MAP2K5: variants seen among roughly 807,000 people sequenced by gnomAD.
MAP2K5 encodes mitogen-activated protein kinase kinase 5.
MAP2K5 carries 49 observed loss-of-function variants against 83.1 expected under a neutral mutation model. That is an observed-to-expected ratio of 0.59 (90% CI 0.47 to 0.75). The LOEUF (loss-of-function observed/expected upper bound fraction) is 0.75, where lower values mean the gene tolerates loss of function less well. Among genes scored for constraint, MAP2K5 ranks in the 30% least tolerant of loss-of-function variants. The probability of loss-of-function intolerance (pLI) is 0.00; values close to 1 mark genes in which losing one functional copy is unlikely to be tolerated. For missense variants in MAP2K5, 457 were observed against 557.5 expected (o/e 0.82, Z 1.82); for synonymous variants, 202 against 191.8 (o/e 1.05, Z -0.44).
intron 16 of MAP2K5, among the ~76,000 whole-genome samples, chr15:67,723,740 T>A (rs1020003506): frequency 6.6e-6 from 1 of 151,996 alleles, no homozygotes; most frequent in Non-Finnish European, 1.5e-5. Flanking sequence ...TCTACATTTT[T>A]CAGTACACTT....
chr15:67,776,880 T>C (rs931459911), intron 21 of MAP2K5, among the ~76,000 whole-genome samples: 1 of 152,122 alleles, frequency 6.6e-6, no homozygotes, highest in Admixed American at 6.6e-5. Context: ...CCCTCTCCAC[T>C]TCAGTGTCTT....
chr15:67,705,858 A>G lies in MAP2K5; in HGVS notation c.1044+2450A>G, dbSNP rs143725012. ...ATAACAAGCTCAAAGGCACCAAGAT[A>G]GAGTACACTCTCAGCGTATTTAAGG... On this transcript the variant is annotated intron_variant, in intron 16 of 21. Transcript: ENST00000178640. Among the ~76,000 whole-genome samples the G allele has an allele frequency of 3.9e-3, 591 of 152,356 alleles. 6 individuals carry two copies. Among genetic ancestry groups the G allele is most frequent in the African/African-American group, 0.013 (558 of 41,574 alleles).
intron 3 of MAP2K5, among the ~76,000 whole-genome samples, chr15:67,567,399 C>T (rs866911269): frequency 1.3e-5 from 2 of 150,462 alleles, no homozygotes; most frequent in South Asian, 2.1e-4. Flanking sequence ...GCTCTGTCGC[C>T]CAGGCCGGAC....
intron 11 of MAP2K5, among the ~76,000 whole-genome samples, chr15:67,648,184 T>TA (rs1027045113): frequency 1.3e-5 from 2 of 152,206 alleles, no homozygotes; most frequent in Non-Finnish European, 2.9e-5. Context: ...AAACACTTTT[T>TA]ACCACCCCCA....
At chr15:67,723,960 A>G (rs1283469040) in intron 16 of MAP2K5, among the ~76,000 whole-genome samples, 1 of 152,236 alleles carries the variant, frequency 6.6e-6, no homozygotes, top group East Asian at 1.9e-4. Context: ...CATTTTACTC[A>G]GTAAATTTAA....
At chr15:67,767,795 C>T (rs1715693076) in intron 19 of MAP2K5, among the ~76,000 whole-genome samples, 1 of 152,090 alleles carries the variant, frequency 6.6e-6, no homozygotes, top group South Asian at 2.1e-4. Context: ...TTTGATCAGC[C>T]ACCCATCCAC....
At chr15:67,656,761 G>C (rs898713639) in intron 11 of MAP2K5, among the ~76,000 whole-genome samples, 1 of 152,138 alleles carries the variant, frequency 6.6e-6, no homozygotes, top group Non-Finnish European at 1.5e-5. Flanking sequence ...AAGTAAAGTT[G>C]CTGGACTGAT....
chr15:67,710,310 C>T (rs922403017), intron 16 of MAP2K5, among the ~76,000 whole-genome samples: 2 of 152,146 alleles, frequency 1.3e-5, no homozygotes, highest in African/African-American at 2.4e-5. Context: ...TTAATTGGTG[C>T]GTCATCTAGT....
chr15:67,711,729 C>A (rs1332244381), intron 16 of MAP2K5, among the ~76,000 whole-genome samples: 3 of 152,086 alleles, frequency 2.0e-5, no homozygotes, highest in Non-Finnish European at 4.4e-5. Context: ...GGAAAAGAGA[C>A]AACAGCACTC....
intron 17 of MAP2K5, among the ~76,000 whole-genome samples, chr15:67,742,490 T>C (rs2089517047): frequency 6.6e-6 from 1 of 152,198 alleles, no homozygotes; most frequent in Admixed American, 6.5e-5. Context: ...AGGACCGTTC[T>C]CAGAAAAAGC....
At chr15:67,609,943 G>A (rs2085880164) in intron 8 of MAP2K5, among the ~76,000 whole-genome samples, 3 of 151,838 alleles carry the variant, frequency 2.0e-5, no homozygotes, top group Admixed American at 6.6e-5. Context: ...AGATGGACAG[G>A]GCTTGATCAT....
At chr15:67,723,016 T>G (rs2089000268) in intron 16 of MAP2K5, among the ~76,000 whole-genome samples, 1 of 152,168 alleles carries the variant, frequency 6.6e-6, no homozygotes, top group African/African-American at 2.4e-5. Flanking sequence ...ACTGTAAATT[T>G]AAAACTACTC....
intron 12 of MAP2K5, chr15:67,658,985 A>G (rs1008361661): frequency 6.5e-6 from 2 of 305,624 alleles, no homozygotes; most frequent in African/African-American, 4.4e-5. Context: ...TTGTTAAAGC[A>G]GTCTATGAGA....
chr15:67,691,859 C>T (rs765240365), intron 13 of MAP2K5, among the ~76,000 whole-genome samples: 3 of 152,134 alleles, frequency 2.0e-5, no homozygotes, highest in African/African-American at 4.8e-5. Context: ...ATAAATGAAA[C>T]AAAGACTAAT....
At chr15:67,792,315 A>G (rs2090531599) in intron 21 of MAP2K5, among the ~76,000 whole-genome samples, 2 of 152,206 alleles carry the variant, frequency 1.3e-5, no homozygotes, top group Non-Finnish European at 2.9e-5. Context: ...CTTAAGGGGT[A>G]TAGGGTTAGA....
chr15:67,695,115 G>A (rs972980225), intron 15 of MAP2K5, among the ~76,000 whole-genome samples: 9 of 147,148 alleles, frequency 6.1e-5, no homozygotes, highest in African/African-American at 2.3e-4. Flanking sequence ...GTTGTGGGTT[G>A]GGGGGAGGGG....
intron 13 of MAP2K5, among the ~76,000 whole-genome samples, chr15:67,670,900 A>AT (rs1038357255): frequency 1.1e-4 from 17 of 152,128 alleles, no homozygotes; most frequent in African/African-American, 3.9e-4. Flanking sequence ...AGTTAAGCCG[A>AT]TTTTTTTCCC....
chr15:67,608,012 G>A (rs909755727), intron 8 of MAP2K5, among the ~76,000 whole-genome samples: 8 of 152,130 alleles, frequency 5.3e-5, no homozygotes, highest in African/African-American at 1.7e-4. Context: ...GAAAAAAATA[G>A]TTTTGAAGTG....
intron 3 of MAP2K5, among the ~76,000 whole-genome samples, chr15:67,570,307 A>T (rs1016822532): frequency 1.3e-5 from 2 of 152,232 alleles, no homozygotes; most frequent in Non-Finnish European, 1.5e-5. Context: ...TCTGTCCAAT[A>T]ACATGAGCCT....
Sources: gnomAD v4.1 joint callset for allele counts (sites outside exome capture counted in the v4.1 genomes callset) on GRCh38, gnomAD v4.1.1 for gene constraint, MANE v1.5 for transcripts, NCBI Gene and HGNC (gene_info 2026-07-23, HGNC 2026-07-21) for gene names.